SLC12A4: variants seen among roughly 807,000 people sequenced by gnomAD.
SLC12A4 encodes the protein solute carrier family 12 member 4.
A neutral mutation model predicts 119.2 loss-of-function variants in SLC12A4; 84 were observed. That is an observed-to-expected ratio of 0.70 (90% CI 0.59 to 0.85). The LOEUF is 0.85. Among genes scored for constraint, SLC12A4 ranks in the 40% least tolerant of loss-of-function variants. The probability of loss-of-function intolerance (pLI) is 0.00; values close to 1 mark genes in which losing one functional copy is unlikely to be tolerated. For missense variants in SLC12A4, 1,298 were observed against 1,476.3 expected, an observed-to-expected ratio of 0.88 and a Z score of 1.98; for synonymous variants, 599 against 604.6, an observed-to-expected ratio of 0.99 and a Z score of 0.14.
At chr16:67,954,379 T>C (rs780493417) in intron 6 of SLC12A4, among the ~76,000 whole-genome samples, 9 of 152,178 alleles carry the variant, frequency 5.9e-5, no homozygotes, top group Non-Finnish European at 1.2e-4. Context: ...ACCCTTGCCA[T>C]GGCTGCAATG....
At chr16:67,957,842 T>C (rs769939122) in intron 4 of SLC12A4, 46 bp from the exon 5 acceptor site, 18 of 1,614,134 alleles carry the variant, frequency 1.1e-5, no homozygotes, top group Middle Eastern at 1.6e-4. Flanking sequence ...GGGTGGGCTC[T>C]GTGGGGGCAG....
chr16:67,946,518 AT>A lies in SLC12A4; in HGVS notation c.2356del (p.Met786CysfsTer61). ...HLIQSCGLGG[M>X]RHNSVVLGWP... ...GCCCAGCACCACGGAGTTATGCCGC[AT>A]GCCTCCCAGGCCACAGGACTGGATG... On this transcript the variant is annotated frameshift_variant, in exon 18 of 24. Transcript: ENST00000316341. LOFTEE classifies it high-confidence loss of function. The A allele has an allele frequency of 6.2e-7, 1 of 1,610,374 alleles. No individual in the cohort carries two copies. Among genetic ancestry groups the A allele is most frequent in the Non-Finnish European group, 8.5e-7 (1 of 1,179,982 alleles).
At position 67,946,260 on chromosome 16, in the gene SLC12A4, G is replaced by A. The variant is rs747407048; in HGVS notation, c.2518C>T (p.Arg840Cys). The A allele has an allele frequency of 4.3e-6, 7 of 1,613,666 alleles. No individual in the cohort carries two copies. The highest frequency in any genetic ancestry group is 4.2e-6 in the Non-Finnish European group (5 of 1,180,032). The change falls in exon 19 of 24, where the codon CGC (arginine) becomes TGC (cysteine). Residue 840 changes from arginine to cysteine, a missense_variant. By Grantham distance (180) the Arg-to-Cys change is radical. Transcript: ENST00000316341. The part of the protein sequence containing the change: ...NIAFYPSNHE[R>C]YLEGHIDVWW... ...ACGTCTATGTGGCCCTCCAGGTAGC[G>A]CTCGTGGTTGCTGGGGTAGAAGGCG... is the stretch of plus-strand genomic sequence containing the variant.
intron 21 of SLC12A4, 95 bp from the exon 22 acceptor site, chr16:67,945,648 G>C: frequency 6.6e-7 from 1 of 1,507,576 alleles, no homozygotes; most frequent in East Asian, 2.3e-5. Flanking sequence ...CGGGAAATGA[G>C]CACTAGCTTG....
At chr16:67,963,708 G>T in intron 1 of SLC12A4, 149 bp from the exon 2 acceptor site, 2 of 829,564 alleles carry the variant, frequency 2.4e-6, no homozygotes, top group South Asian at 1.8e-5. Flanking sequence ...ATGGCACCGT[G>T]CCAATGCTCT....
At chr16:67,967,267 C>T (rs2030907863) in intron 1 of SLC12A4, among the ~76,000 whole-genome samples, 1 of 152,244 alleles carries the variant, frequency 6.6e-6, no homozygotes, top group Non-Finnish European at 1.5e-5. Context: ...GTCACCATCA[C>T]AGATGGATCA....
rs373425859 is a variant in SLC12A4, at chr16:67,957,919, G to A, written c.468C>T (p.Ile156=). ...GTAGVLQALL[I]VLICCCCTLL... ...TCACACAACAGCAGCAGATAAGCAC[G>A]ATGAGGAGGGCCTGTAGCACACCTG... The change falls in exon 4 of 24, where the codon ATC becomes ATT. Residue 156 remains isoleucine (I), a synonymous_variant. Transcript: ENST00000316341. The A allele has an allele frequency of 1.7e-5, 27 of 1,604,754 alleles. No homozygotes were observed. Among genetic ancestry groups the A allele is most frequent in the East Asian group, 2.3e-5 (1 of 44,412 alleles).
At position 67,951,889 on chromosome 16, in the gene SLC12A4, A is replaced by AG; in HGVS notation, c.1065dup (p.Tyr356LeufsTer34). The AG allele has an allele frequency of 6.2e-7, 1 of 1,613,926 alleles. No homozygotes were observed. Among genetic ancestry groups the AG allele is most frequent in the Non-Finnish European group, 8.5e-7 (1 of 1,180,038 alleles). On this transcript the variant is annotated frameshift_variant, in exon 8 of 24. Coordinates refer to ENST00000316341, the MANE Select transcript of SLC12A4 (RefSeq NM_005072.5). LOFTEE classifies it high-confidence loss of function. This position sits in a 1 kb window ranked among gnomAD's most constrained non-coding sequence, Gnocchi z 5.2. Reference sequence around the variant, plus strand: ...TCGGTCACATTGTTGAGCATGAAGTAGGGGTCACAGGAGTCGGTCGTAAGG... The same window carrying AG: ...TCGGTCACATTGTTGAGCATGAAGTAGGGGGTCACAGGAGTCGGTCGTAAGG...
In SLC12A4 at chr16:67,951,803, C is replaced by T. The variant is rs2292318; in HGVS notation, c.1132+20G>A. 0.14 allele frequency: 216,232 copies of T among 1,592,484 alleles called. 15,649 individuals carry two copies. The highest frequency in any genetic ancestry group is 0.21 in the African/African-American group (16,054 of 74,676). ...TCAGCCTGTGGGCTCAAGAGCAAGA[C>T]GACGGGAGGGAGGACCCACCCTGGA... On this transcript the variant is annotated intron_variant, in intron 8 of 23. Transcript: ENST00000316341. This position sits in a 1 kb window ranked among gnomAD's most constrained non-coding sequence, Gnocchi z 5.2.
Position 67,950,595 on chromosome 16 carries a change from T to C in SLC12A4, c.1454+59A>G. 6.2e-7 allele frequency: 1 copy of C among 1,608,228 alleles called. No homozygotes were observed. The highest frequency in any genetic ancestry group is 8.5e-7 in the Non-Finnish European group (1 of 1,177,108). ...TAGGACCACCCACGGGGTTGGGAGC[T>C]GGTGTGAGGGCAGGCCAAAGCCCAG... On this transcript the variant is annotated intron_variant, in intron 11 of 23. Transcript: ENST00000316341. This position sits in a 1 kb window ranked among gnomAD's most constrained non-coding sequence, Gnocchi z 4.3.
rs139430012 is a variant in SLC12A4 at position 67,955,740 on chromosome 16, G to A, written c.545-967C>T. Among the ~76,000 whole-genome samples, 16 of 152,174 alleles carry A rather than the reference G, an allele frequency of 1.1e-4. No homozygotes were observed. The East Asian group carries it at 3.1e-3, about 29-fold the overall frequency. On this transcript the variant is annotated intron_variant, in intron 5 of 23. Coordinates refer to ENST00000316341, the MANE Select transcript of SLC12A4 (RefSeq NM_005072.5). The stretch of plus-strand genomic sequence containing the variant: ...TACTAAAATACAAAATTAGCTAGGC[G>A]TGGCGGTGTGCACCTGTAGTCCCAG...
chr16:67,968,505 A>G lies in SLC12A4; in HGVS notation c.49T>C (p.Tyr17His), dbSNP rs774168376. 4 of 1,584,984 alleles carry G rather than the reference A, an allele frequency of 2.5e-6. No individual in the cohort carries two copies. The highest frequency in any genetic ancestry group is 2.4e-5 in the East Asian group (1 of 42,200). ...CAACTGAGCCCCTCGAGGTTGTCAT[A>G]GTCGCCGCGCCTCGGCCCGTCCACT... ...VPVDGPRRGD[Y>H]DNLEGLSWVD... The change falls in exon 1 of 24, where the codon TAT becomes CAT. Residue 17 changes from tyrosine to histidine, a missense_variant. By Grantham distance (83) the Tyr-to-His change is moderately conservative. Transcript: ENST00000316341.
intron 4 of SLC12A4, 27 bp downstream of exon 4, chr16:67,957,871 C>T (rs1337982493): frequency 3.7e-6 from 6 of 1,613,972 alleles, no homozygotes; most frequent in Non-Finnish European, 5.1e-6. Context: ...CATGCCCAGC[C>T]CAACCCTCCC....
In SLC12A4 at chr16:67,947,940, G is replaced by C. The variant is rs778137221; in HGVS notation, c.1847+121C>G. ...GTGTAAGACCTAGGTCCAGTCCCCC[G>C]CAGCCCTATAATCTCCCTCCCCACA... On this transcript the variant is annotated intron_variant, in intron 14 of 23. Transcript: ENST00000316341. 1.5e-5 allele frequency: 22 copies of C among 1,463,822 alleles called. No homozygotes were observed. In the African/African-American group the frequency reaches 3.1e-4, roughly 20 times the overall value. 90.7% of individuals were successfully genotyped at this position (1,463,822 alleles called of 1,614,324 possible).
chr16:67,959,799 A>G (rs2030466634), intron 3 of SLC12A4, among the ~76,000 whole-genome samples: 1 of 152,222 alleles, frequency 6.6e-6, no homozygotes. Context: ...AAGGTCATCA[A>G]GCCGGTGCTG....
At position 67,950,241 on chromosome 16, in the gene SLC12A4, C is replaced by G; in HGVS notation, c.1629+78G>C. 6.5e-7 allele frequency: 1 copy of G among 1,526,854 alleles called. No homozygotes were observed. Among genetic ancestry groups the G allele is most frequent in the Non-Finnish European group, 8.9e-7 (1 of 1,125,696 alleles). The allele number at this position is 1,526,854 out of a possible 1,614,324, so 94.6% of individuals were successfully genotyped here. A position where few individuals can be genotyped will look rare whatever the true frequency, so the allele number is the denominator to read the frequency against. On this transcript the variant is annotated intron_variant, in intron 12 of 23. Coordinates refer to ENST00000316341, the MANE Select transcript of SLC12A4 (RefSeq NM_005072.5). The surrounding 1 kb of genome is among the most constrained non-coding windows in gnomAD (Gnocchi z 4.3). ...CCAATAAGGGCAGGACGTGCTGCAT[C>G]TGTGTTCCCTATCTCTCTCCCCAGC...
intron 5 of SLC12A4, among the ~76,000 whole-genome samples, chr16:67,956,132 G>A (rs550320527): frequency 2.2e-4 from 33 of 151,776 alleles, no homozygotes; most frequent in East Asian, 9.8e-4. Context: ...AGCTGAGATC[G>A]TGCCACTGCA....
intron 5 of SLC12A4, 79 bp from the exon 6 acceptor site, chr16:67,954,852 A>T: frequency 6.4e-7 from 1 of 1,570,472 alleles, no homozygotes; most frequent in Non-Finnish European, 8.7e-7. Flanking sequence ...AGCCTGCACA[A>T]CCACCCAGAG....
At position 67,946,068 on chromosome 16, in the gene SLC12A4, G is replaced by A. The variant is rs1200338378; in HGVS notation, c.2622C>T (p.Cys874=). 1.2e-6 allele frequency: 2 copies of A among 1,613,890 alleles called. No homozygotes were observed. Among genetic ancestry groups the A allele is most frequent in the South Asian group, 1.1e-5 (1 of 91,086 alleles). ...LLRQHKVWRK[C]RMRIFTVAQM... ...GGGCCACTGTGAAGATGCGCATCCG[G>A]CACTTCCTCCAGACCTGAGGCAAGG... The change falls in exon 20 of 24, where the codon TGC becomes TGT. Residue 874 remains cysteine, a synonymous_variant. Transcript: ENST00000316341.
Sources: gnomAD v4.1 joint callset for allele counts (sites outside exome capture counted in the v4.1 genomes callset) on GRCh38, gnomAD v4.1.1 for gene constraint, Gnocchi (gnomAD v3.1) non-coding constraint, MANE v1.5 for transcripts, NCBI Gene and HGNC (gene_info 2026-07-23, HGNC 2026-07-21) for gene names.